SRPRA: variants seen among roughly 807,000 people sequenced by gnomAD.
The protein encoded by SRPRA is SRP receptor subunit alpha.
SRPRA carries 30 observed loss-of-function variants against 61.1 expected under a neutral mutation model. The ratio of observed to expected loss-of-function variants is 0.49; its 90% confidence interval spans 0.37 to 0.67. The LOEUF is 0.67. SRPRA is among the 30% of genes least tolerant of loss of function. The probability of loss-of-function intolerance (pLI) is 0.00; values close to 1 mark genes in which losing one functional copy is unlikely to be tolerated. For missense variants in SRPRA, 759 were observed against 828.4 expected (o/e 0.92, Z 1.03); for synonymous variants, 324 against 299.7 (o/e 1.08, Z -0.84).
At position 126,264,423 on chromosome 11, in the gene SRPRA, G is replaced by C; in HGVS notation, c.1642C>G (p.Leu548Val). The change falls in exon 12 of 14, where the codon CTG becomes GTG. Residue 548 changes from leucine to valine, a missense_variant. Leu to Val is a conservative substitution (Grantham distance 32, BLOSUM62 1). Coordinates refer to ENST00000332118, the MANE Select transcript of SRPRA (RefSeq NM_003139.4). This position sits in a 1 kb window ranked among gnomAD's most constrained non-coding sequence, Gnocchi z 5.0. ...CCTACTAAGGCTTCTCCTACAAACA[G>C]CACCAAATCAGGTGTATTGACAGTA... ...LITVNTPDLV[L>V]FVGEALVGNE... 1.2e-6 allele frequency: 2 copies of C among 1,614,224 alleles called. No homozygotes were observed. The highest frequency in any genetic ancestry group is 1.7e-6 in the Non-Finnish European group (2 of 1,180,050).
chr11:126,248,954 G>T, the SRPRA span, among the ~76,000 whole-genome samples: 4 of 152,130 alleles, frequency 2.6e-5, no homozygotes, highest in Non-Finnish European at 5.9e-5. Flanking sequence ...GAGCCACTTT[G>T]TCTTTTCAGT....
At chr11:126,256,522 G>T in the SRPRA span, 1 of 1,582,918 alleles carries the variant, frequency 6.3e-7, no homozygotes, top group South Asian at 1.1e-5. The surrounding 1 kb of genome is among the most constrained non-coding windows in gnomAD (Gnocchi z 6.6). Flanking sequence ...GACTTGCCTT[G>T]AGTGTGTCTT....
chr11:126,256,803 A>T, the SRPRA span: 2 of 1,613,680 alleles, frequency 1.2e-6, no homozygotes, highest in South Asian at 2.2e-5. This position sits in a 1 kb window ranked among gnomAD's most constrained non-coding sequence, Gnocchi z 6.6. Flanking sequence ...CCGATCTTCC[A>T]GAATATTTCA....
At position 126,264,669 on chromosome 11, in the gene SRPRA, T is replaced by C. The variant is rs1053061882; in HGVS notation, c.1526-130A>G. On this transcript the variant is annotated intron_variant, in intron 11 of 13. Coordinates refer to ENST00000332118, the MANE Select transcript of SRPRA (RefSeq NM_003139.4). The surrounding 1 kb of genome is among the most constrained non-coding windows in gnomAD (Gnocchi z 5.0). The stretch of plus-strand genomic sequence containing the variant: ...GGCTCTGGATTTGGTTCCAAGGTAA[T>C]GTGAGAAAAACTTGATTATATGCTT... 12 of 1,168,462 alleles carry C rather than the reference T, an allele frequency of 1.0e-5. No homozygotes were observed. The East Asian group carries it at 2.0e-4, about 20-fold the overall frequency. The allele number at this position is 1,168,462 out of a possible 1,614,324, so 72.4% of individuals were successfully genotyped here. A position where few individuals can be genotyped will look rare whatever the true frequency, so the allele number is the denominator to read the frequency against.
the SRPRA span, chr11:126,254,318 C>A: frequency 6.2e-7 from 1 of 1,614,092 alleles, no homozygotes; most frequent in Non-Finnish European, 8.5e-7. Context: ...CTCGAGTGGG[C>A]TCAGGAGAAG....
chr11:126,259,571 G>A (rs564381404), downstream of SRPRA, among the ~76,000 whole-genome samples: 28 of 151,890 alleles, frequency 1.8e-4, no homozygotes, highest in African/African-American at 4.8e-4. Context: ...AACTATAGGC[G>A]CCCACCACCA....
In SRPRA at chr11:126,264,445, A is replaced by G. The variant is rs562332475; in HGVS notation, c.1620T>C (p.Thr540=). 1.2e-6 allele frequency: 2 copies of G among 1,614,238 alleles called. No individual in the cohort carries two copies. The highest frequency in any genetic ancestry group is 1.3e-5 in the African/African-American group (1 of 75,064). ...ACAGCACCAAATCAGGTGTATTGAC[A>G]GTAATGAGTTTGGCCAGGGCAGTCA... ...PLMTALAKLI[T]VNTPDLVLFV... The change falls in exon 12 of 14, where the codon ACT becomes ACC. Residue 540 remains threonine, a synonymous_variant. Transcript: ENST00000332118. The surrounding 1 kb of genome is among the most constrained non-coding windows in gnomAD (Gnocchi z 5.0).
At chr11:126,251,127 A>G in the SRPRA span, among the ~76,000 whole-genome samples, 1 of 152,198 alleles carries the variant, frequency 6.6e-6, no homozygotes, top group Non-Finnish European at 1.5e-5. Flanking sequence ...ACTGATTGGA[A>G]GAACAACTTC....
chr11:126,258,899 G>C (rs1453062132), downstream of SRPRA, among the ~76,000 whole-genome samples: 1 of 152,186 alleles, frequency 6.6e-6, no homozygotes, highest in Non-Finnish European at 1.5e-5. Context: ...AGGTTCCTTA[G>C]TGCACTAAGA....
At chr11:126,236,260 G>C in the SRPRA span, among the ~76,000 whole-genome samples, 1 of 152,152 alleles carries the variant, frequency 6.6e-6, no homozygotes, top group East Asian at 1.9e-4. Context: ...AGCCTCCTAA[G>C]TAAGGACCCA....
Position 126,263,616 on chromosome 11 carries a change from A to C in SRPRA, c.*300T>G. 3.1e-6 allele frequency: 1 copy of C among 319,174 alleles called. No individual in the cohort carries two copies. The highest frequency in any genetic ancestry group is 5.9e-6 in the Non-Finnish European group (1 of 169,638). The allele number at this position is 319,174 out of a possible 1,614,324, so 19.8% of individuals were successfully genotyped here. On this transcript the variant is annotated 3_prime_UTR_variant, in exon 14 of 14. Transcript: ENST00000332118. ...AGCAAAGCTCTGGTGTTGGGTTCCA[A>C]CCATTGGTCAAAGCTGTAATAAGAC...
chr11:126,264,706 A>G lies in SRPRA; in HGVS notation c.1526-167T>C, dbSNP rs2135237461. The G allele has an allele frequency of 1.2e-6, 1 of 863,494 alleles. No individual in the cohort carries two copies. The highest frequency in any genetic ancestry group is 1.7e-6 in the Non-Finnish European group (1 of 576,756). The allele number at this position is 863,494 out of a possible 1,614,324, so 53.5% of individuals were successfully genotyped here. ...TTGATTATATGCTTGGCCATCACCA[A>G]ACATATTCAGGAAAAGGAGGACAAC... is the stretch of plus-strand genomic sequence containing the variant. On this transcript the variant is annotated intron_variant, in intron 11 of 13. Coordinates refer to ENST00000332118, the MANE Select transcript of SRPRA (RefSeq NM_003139.4). The surrounding 1 kb of genome is among the most constrained non-coding windows in gnomAD (Gnocchi z 5.0).
the SRPRA span, among the ~76,000 whole-genome samples, chr11:126,240,499 C>T: frequency 1.3e-5 from 2 of 152,056 alleles, no homozygotes; most frequent in East Asian, 1.9e-4. Context: ...CTATTTGGAT[C>T]TTTTCCTAAT....
the SRPRA span, chr11:126,240,719 G>A: frequency 3.3e-5 from 47 of 1,437,106 alleles, no homozygotes; most frequent in Non-Finnish European, 4.4e-5. Flanking sequence ...ACTGTAACCT[G>A]AGTCAGACAG....
rs1950757256 is a variant in SRPRA at position 126,264,107 on chromosome 11, C to T, written c.1789-63G>A. The T allele has an allele frequency of 6.2e-7, 1 of 1,613,014 alleles. No homozygotes were observed. The highest frequency in any genetic ancestry group is 1.1e-5 in the South Asian group (1 of 90,930). ...CACTTTTCACTCACCCTCTCAGGAA[C>T]AGGAAGCGCTGGAGCCAAGATTTCC... is the stretch of plus-strand genomic sequence containing the variant. On this transcript the variant is annotated intron_variant, in intron 13 of 13. Coordinates refer to ENST00000332118, the MANE Select transcript of SRPRA (RefSeq NM_003139.4). This position sits in a 1 kb window ranked among gnomAD's most constrained non-coding sequence, Gnocchi z 5.0.
At position 126,264,476 on chromosome 11, in the gene SRPRA, G is replaced by C. The variant is rs772608854; in HGVS notation, c.1589C>G (p.Pro530Arg). The C allele has an allele frequency of 3.1e-6, 5 of 1,614,034 alleles. No homozygotes were observed. The highest frequency in any genetic ancestry group is 8.5e-7 in the Non-Finnish European group (1 of 1,180,046). The change falls in exon 12 of 14, where the codon CCT (proline) becomes CGT (arginine). Residue 530 changes from proline to arginine, a missense_variant. Around this residue, in one of 2 missense-constraint regions of SRPRA, gnomAD observed 284 missense variants for 365.9 expected, o/e 0.78. Coordinates refer to ENST00000332118, the MANE Select transcript of SRPRA (RefSeq NM_003139.4). This position sits in a 1 kb window ranked among gnomAD's most constrained non-coding sequence, Gnocchi z 5.0. Reference protein sequence around the residue: ...DTAGRMQDNAPLMTALAKLIT... With the variant: ...DTAGRMQDNARLMTALAKLIT... ...GAGTTTGGCCAGGGCAGTCATCAGA[G>C]GGGCATTGTCTTGCATGCGGCCTGC...
At chr11:126,256,757 AGGGGAT>A in the SRPRA span, 2 of 1,614,176 alleles carry the variant, frequency 1.2e-6, no homozygotes, top group Admixed American at 3.3e-5. The surrounding 1 kb of genome is among the most constrained non-coding windows in gnomAD (Gnocchi z 6.6). Flanking sequence ...ATGCTGGACA[AGGGGAT>A]TAAAGTCATC....
chr11:126,266,523 T>A lies in SRPRA; in HGVS notation c.793A>T (p.Thr265Ser). ...GCAGCCTCAGGGGTTCCATTGGTGG[T>A]GGGAGTACTGTAATCCAACACTTCT... ...NKEVLDYSTP[T>S]TNGTPEAALS... The change falls in exon 6 of 14, where the codon ACC (threonine) becomes TCC (serine). Residue 265 changes from threonine to serine, a missense_variant. Coordinates refer to ENST00000332118, the MANE Select transcript of SRPRA (RefSeq NM_003139.4). 4 of 1,614,200 alleles carry A rather than the reference T, an allele frequency of 2.5e-6. No homozygotes were observed. The highest frequency in any genetic ancestry group is 3.4e-6 in the Non-Finnish European group (4 of 1,180,034).
chr11:126,268,612 C>T, intron 1 of SRPRA, 76 bp downstream of exon 1: 1 of 1,262,274 alleles, frequency 7.9e-7, no homozygotes, highest in African/African-American at 1.5e-5. Context: ...GGAGGAGGCG[C>T]GGAATAGAGT....
Sources: gnomAD v4.1 joint callset for allele counts (sites outside exome capture counted in the v4.1 genomes callset) on GRCh38, gnomAD v4.1.1 for gene constraint, gnomAD v4.1.1 regional missense constraint, Gnocchi (gnomAD v3.1) non-coding constraint, MANE v1.5 for transcripts, NCBI Gene and HGNC (gene_info 2026-07-23, HGNC 2026-07-21) for gene names.